RRBP1: variants seen among roughly 807,000 people sequenced by gnomAD.
The protein encoded by RRBP1 is ribosome binding protein 1, also known as ribosome-binding protein 1.
In RRBP1, 94 loss-of-function variants were observed where a neutral mutation model predicts 165.2. That is an observed-to-expected ratio of 0.57 (90% CI 0.48 to 0.68). The LOEUF is 0.68. RRBP1 is among the 30% of genes least tolerant of loss of function. The pLI is 0.00. For synonymous variants in RRBP1, 680 were observed against 714.5 expected (o/e 0.95, Z 0.77); for missense variants, 1,676 against 1,763.0 (o/e 0.95, Z 0.88).
chr20:17,648,690 C>A (rs924287154), intron 3 of RRBP1, among the ~76,000 whole-genome samples: 14 of 152,142 alleles, frequency 9.2e-5, no homozygotes, highest in Non-Finnish European at 7.3e-5. Context: ...TTAAAATATC[C>A]TATAGATTGA....
intron 5 of RRBP1, among the ~76,000 whole-genome samples, chr20:17,639,732 A>T (rs564517120): frequency 6.6e-6 from 1 of 152,234 alleles, no homozygotes; most frequent in South Asian, 2.1e-4. Flanking sequence ...CGTCTCTACT[A>T]AAAATACACA....
chr20:17,658,499 A>G lies in RRBP1; in HGVS notation c.1912+97T>C. On this transcript the variant is annotated intron_variant, in intron 3 of 24. Transcript: ENST00000377813. ...GTTTGTTACGCAGCCTTATTATGAC[A>G]ATAGCTGACTGATACAGGTGGCACT... The G allele has an allele frequency of 2.8e-6, 3 of 1,060,714 alleles. No homozygotes were observed. The South Asian group carries it at 4.9e-5, about 17-fold the overall frequency. The allele number at this position is 1,060,714 out of a possible 1,614,324, so 65.7% of individuals were successfully genotyped here. A position where few individuals can be genotyped will look rare whatever the true frequency, so the allele number is the denominator to read the frequency against.
At chr20:17,633,635 G>C (rs1159843857) in intron 7 of RRBP1, 22 bp from the exon 8 acceptor site, 1 of 1,611,430 alleles carries the variant, frequency 6.2e-7, no homozygotes. Context: ...TCACCAGCCC[G>C]ACTAATGGAA....
intron 6 of RRBP1, among the ~76,000 whole-genome samples, chr20:17,636,175 G>C (rs2122332830): frequency 6.6e-6 from 1 of 152,234 alleles, no homozygotes; most frequent in East Asian, 1.9e-4. Context: ...GGAGCTGTGT[G>C]ATTTTCAGGC....
intron 11 of RRBP1, 99 bp from the exon 12 acceptor site, chr20:17,625,701 T>C (rs997901051): frequency 2.0e-6 from 2 of 1,001,988 alleles, no homozygotes; most frequent in Non-Finnish European, 3.1e-6. Context: ...CCTTCGAGGC[T>C]GAACCATCTG....
intron 8 of RRBP1, among the ~76,000 whole-genome samples, chr20:17,631,279 T>G (rs2036146860): frequency 6.6e-6 from 1 of 152,228 alleles, no homozygotes; most frequent in Admixed American, 6.5e-5. Flanking sequence ...GCAGGGTCAT[T>G]ACACGACTGG....
Position 17,614,084 on chromosome 20 carries a change from G to A in RRBP1, c.*98C>T, listed in dbSNP as rs13734. 0.2 allele frequency: 242,099 copies of A among 1,233,480 alleles called. 28,835 individuals carry two copies. Among genetic ancestry groups the A allele is most frequent in the East Asian group, 0.5 (21,271 of 42,322 alleles). 76.4% of individuals were successfully genotyped at this position (1,233,480 alleles called of 1,614,324 possible). On this transcript the variant is annotated 3_prime_UTR_variant, in exon 25 of 25. Transcript: ENST00000377813. ...TTCTCTCGGAGCTACCGGAAGTTGG[G>A]CCTGGATAACGCTGTGTAGGTTGGT...
chr20:17,635,700 C>A, intron 6 of RRBP1, 36 bp from the exon 7 acceptor site: 1 of 1,507,346 alleles, frequency 6.6e-7, no homozygotes. Flanking sequence ...AGAGGCAGCT[C>A]GGCCTCACAC....
chr20:17,661,392 C>T (rs531956044), intron 2 of RRBP1, among the ~76,000 whole-genome samples: 126 of 152,304 alleles, frequency 8.3e-4, no homozygotes, highest in Admixed American at 1.4e-3. Flanking sequence ...AATTTCACAT[C>T]CAGAAGCTGC....
At chr20:17,663,108 C>T (rs754896911) in intron 2 of RRBP1, among the ~76,000 whole-genome samples, 50 of 152,208 alleles carry the variant, frequency 3.3e-4, no homozygotes, top group Non-Finnish European at 6.3e-4. Context: ...CCATAAACCC[C>T]GAATCGTTTC....
chr20:17,625,484 C>T (rs756888925), intron 12 of RRBP1, 28 bp downstream of exon 12: 13 of 1,603,834 alleles, frequency 8.1e-6, no homozygotes, highest in Admixed American at 1.7e-5. Flanking sequence ...CTGGCCCGTC[C>T]GTCCCCGCCT....
rs1373902398 is a variant in RRBP1, at chr20:17,614,141, T to C, written c.*41A>G. The C allele has an allele frequency of 1.2e-6, 2 of 1,604,710 alleles. No homozygotes were observed. The highest frequency in any genetic ancestry group is 1.7e-6 in the Non-Finnish European group (2 of 1,171,402). ...ATTTGTAAGGAATGTGTAAGGCATT[T>C]TGGTAAGTTGAACAGTAACTTCTTT... On this transcript the variant is annotated 3_prime_UTR_variant, in exon 25 of 25. Coordinates refer to ENST00000377813, the MANE Select transcript of RRBP1 (RefSeq NM_001365613.2).
intron 23 of RRBP1, 37 bp from the exon 24 acceptor site, chr20:17,614,917 A>T: frequency 6.2e-7 from 1 of 1,607,090 alleles, no homozygotes; most frequent in Non-Finnish European, 8.5e-7. Flanking sequence ...CAGCCCTTGC[A>T]CCGGCAGGAG....
At chr20:17,629,990 G>A in intron 8 of RRBP1, 29 bp from the exon 9 acceptor site, 3 of 1,579,672 alleles carry the variant, frequency 1.9e-6, no homozygotes, top group Non-Finnish European at 2.6e-6. Flanking sequence ...GTGGGGCAGT[G>A]AAGACGTGGA....
In RRBP1 at chr20:17,659,687, G is replaced by T; in HGVS notation, c.821C>A (p.Thr274Lys). Reference sequence around the variant, plus strand: ...CACCTTTTTCCCCTGGTTTGGGGTTGTATCTACCTTTTTACCCTGGTTCTG... The same window carrying T: ...CACCTTTTTCCCCTGGTTTGGGGTTTTATCTACCTTTTTACCCTGGTTCTG... ...GAQNQGKKVDTTPNQGKKVEG... is the reference protein window; with the variant it reads ...GAQNQGKKVDKTPNQGKKVEG... The change falls in exon 3 of 25, where the codon ACA becomes AAA. Residue 274 changes from threonine to lysine, a missense_variant. This residue lies in a region of RRBP1 where 392 missense variants were observed against 382.5 expected (regional missense o/e 1.02). Transcript: ENST00000377813. 1 of 1,540,910 alleles carries T rather than the reference G, an allele frequency of 6.5e-7. No homozygotes were observed. Among genetic ancestry groups the T allele is most frequent in the Non-Finnish European group, 8.7e-7 (1 of 1,143,662 alleles).
At chr20:17,641,711 C>T (rs1010660141) in intron 5 of RRBP1, 86 bp downstream of exon 5, 52 of 1,530,526 alleles carry the variant, frequency 3.4e-5, no homozygotes, top group African/African-American at 5.4e-5. Context: ...CCCAGCATCT[C>T]GGAGCCCGGG....
At chr20:17,624,701 T>C (rs1336210746) in intron 12 of RRBP1, 33 bp from the exon 13 acceptor site, 4 of 1,468,374 alleles carry the variant, frequency 2.7e-6, no homozygotes, top group Non-Finnish European at 3.7e-6. Context: ...GTCAGCAGCC[T>C]GCACTGGCAG....
At chr20:17,618,480 T>G in intron 20 of RRBP1, 116 bp downstream of exon 20, 1 of 868,982 alleles carries the variant, frequency 1.2e-6, no homozygotes, top group South Asian at 1.4e-5. Flanking sequence ...CGGGTGACAC[T>G]GTCCCTTCCC....
rs777937568 is a variant in RRBP1 at position 17,614,838 on chromosome 20, G to A, written c.4093C>T (p.Arg1365Cys). 14 of 1,613,624 alleles carry A rather than the reference G, an allele frequency of 8.7e-6. No individual in the cohort carries two copies. The highest frequency in any genetic ancestry group is 6.7e-5 in the Admixed American group (4 of 60,004). Reference protein sequence around the residue: ...KEKKLTSDLGRAATRLQELLK... With the variant: ...KEKKLTSDLGCAATRLQELLK... The stretch of plus-strand genomic sequence containing the variant: ...AGCTCCTGCAGTCTCGTGGCGGCGC[G>A]CCCCAGGTCACTTGTTAACTTCTTC... Residue 1365 changes from arginine (R) to cysteine (C), a missense_variant, in exon 24 of 25, where the codon CGC becomes TGC. Arg to Cys is a radical substitution (Grantham distance 180). This residue lies in a region of RRBP1 where 1,184 missense variants were observed against 1,167.1 expected (regional missense o/e 1.01). Transcript: ENST00000377813.
Sources: gnomAD v4.1 joint callset for allele counts (sites outside exome capture counted in the v4.1 genomes callset) on GRCh38, gnomAD v4.1.1 for gene constraint, gnomAD v4.1.1 regional missense constraint, MANE v1.5 for transcripts, NCBI Gene and HGNC (gene_info 2026-07-23, HGNC 2026-07-21) for gene names.